CDK13: variants seen among roughly 807,000 people sequenced by gnomAD.
CDK13 encodes cyclin dependent kinase 13.
Under a neutral mutation model 137.6 loss-of-function variants are expected in CDK13, and 40 were observed. The observed-to-expected ratio is 0.29, with a 90% CI of 0.23 to 0.38. The LOEUF (loss-of-function observed/expected upper bound fraction) is 0.38. Among genes scored for constraint, CDK13 ranks in the 10% least tolerant of loss-of-function variants. The pLI is 1.00. For missense variants in CDK13, 1,704 were observed against 1,951.8 expected, an observed-to-expected ratio of 0.87 and a Z score of 2.39; for synonymous variants, 869 against 760.1, an observed-to-expected ratio of 1.14 and a Z score of -2.36.
intron 11 of CDK13, among the ~76,000 whole-genome samples, chr7:40,087,738 G>A (rs1006375865): frequency 2.0e-5 from 3 of 150,994 alleles, no homozygotes; most frequent in Non-Finnish European, 3.0e-5. Flanking sequence ...TAGTAGAAAC[G>A]GGGTTTTGCC....
intron 5 of CDK13, among the ~76,000 whole-genome samples, chr7:40,030,164 A>G (rs1785339926): frequency 1.3e-5 from 2 of 152,234 alleles, no homozygotes; most frequent in South Asian, 2.1e-4. Flanking sequence ...GCCACTATAC[A>G]CTATATCTTT....
chr7:40,067,609 A>G (rs759257498), intron 9 of CDK13: 10 of 152,104 alleles, frequency 6.6e-5, no homozygotes, highest in Non-Finnish European at 8.8e-5. Context: ...TACAAAATCA[A>G]TATGACACAC....
chr7:39,984,474 A>C (rs1054237584), intron 1 of CDK13: 5 of 152,110 alleles, frequency 3.3e-5, no homozygotes, highest in African/African-American at 1.2e-4. Flanking sequence ...TCACGAAATA[A>C]AAATTTAAAA....
In CDK13 at chr7:40,088,269, C is replaced by A. The variant is rs1786836414; in HGVS notation, c.3173C>A (p.Thr1058Lys). ...SLGLDDSRTNTPQGVLPSSQL... is the reference protein window; with the variant it reads ...SLGLDDSRTNKPQGVLPSSQL... The stretch of plus-strand genomic sequence containing the variant: ...GGCTTGGATGACAGCAGAACCAACA[C>A]ACCCCAGGGTGTGCTGCCATCTTCA... Residue 1058 changes from threonine (T) to lysine (K), a missense_variant, in exon 12 of 14, where the codon ACA (threonine) becomes AAA (lysine). By Grantham distance (78) the Thr-to-Lys change is moderately conservative (BLOSUM62 -1). Transcript: ENST00000181839. 6.2e-7 allele frequency: 1 copy of A among 1,614,046 alleles called. No homozygotes were observed. Among genetic ancestry groups the A allele is most frequent in the Non-Finnish European group, 8.5e-7 (1 of 1,180,034 alleles).
rs976319927 is a variant in CDK13 at position 40,039,434 on chromosome 7, A to ATTTTTTTTTTTTTTTTTTTTTTTTT, written c.2354-6379_2354-6378insTTTTTTTTTTTTTTTTTTTTTTTTT. 1.5e-4 allele frequency among the ~76,000 whole-genome samples: 13 copies of ATTTTTTTTTTTTTTTTTTTTTTTTT among 85,002 alleles called. 1 individual carries two copies. The highest frequency in any genetic ancestry group is 7.2e-4 in the African/African-American group (13 of 18,016). 55.8% of individuals were successfully genotyped at this position (85,002 alleles called of 152,430 possible). ...AGGTGCCCACGACCATGCCCGGCTA[A>ATTTTTTTTTTTTTTTTTTTTTTTTT]TTTTTTTTTTTTTTTTTTTTTTTGC... On this transcript the variant is annotated intron_variant, in intron 5 of 13. Coordinates refer to ENST00000181839, the MANE Select transcript of CDK13 (RefSeq NM_003718.5).
intron 1 of CDK13, among the ~76,000 whole-genome samples, chr7:39,980,704 T>G (rs1431969620): frequency 1.3e-5 from 2 of 152,226 alleles, no homozygotes; most frequent in Non-Finnish European, 2.9e-5. Context: ...TGTGTTATTT[T>G]CAACAGTGGA....
chr7:39,953,348 G>A (rs969054086), intron 1 of CDK13, among the ~76,000 whole-genome samples: 4 of 152,142 alleles, frequency 2.6e-5, no homozygotes, highest in African/African-American at 9.6e-5. Flanking sequence ...TTTGCCAAAG[G>A]GTTTGCAGTT....
At chr7:40,065,761 G>A (rs1786266467) in intron 9 of CDK13, among the ~76,000 whole-genome samples, 1 of 151,798 alleles carries the variant, frequency 6.6e-6, no homozygotes, top group Admixed American at 6.6e-5. Context: ...AATAAACCCA[G>A]GAAATAAAAA....
chr7:40,071,045 A>G (rs969118416), intron 9 of CDK13: 1 of 152,116 alleles, frequency 6.6e-6, no homozygotes, highest in African/African-American at 2.4e-5. Context: ...CACAGGTGAA[A>G]TTTTTTAAAC....
chr7:40,095,346 C>G lies in CDK13; in HGVS notation c.*366C>G, dbSNP rs1305208592. 1 of 156,706 alleles carries G rather than the reference C, an allele frequency of 6.4e-6. No individual in the cohort carries two copies. Among genetic ancestry groups the G allele is most frequent in the Non-Finnish European group, 1.4e-5 (1 of 70,970 alleles). 9.7% of individuals were successfully genotyped at this position (156,706 alleles called of 1,614,324 possible). A position where few individuals can be genotyped will look rare whatever the true frequency, so the allele number is the denominator to read the frequency against. On this transcript the variant is annotated 3_prime_UTR_variant, in exon 14 of 14. Transcript: ENST00000181839. ...TAAGTTTGGACCAACTTTTATGTAACAAACAGCCCCTCCCCACCTCCAGTT... is the reference window on the plus strand; with the variant it reads ...TAAGTTTGGACCAACTTTTATGTAAGAAACAGCCCCTCCCCACCTCCAGTT...
rs1486689285 is a variant in CDK13 at position 39,950,747 on chromosome 7, C to A, written c.106C>A (p.Gln36Lys). The change falls in exon 1 of 14, where the codon CAG (glutamine) becomes AAG (lysine). Residue 36 changes from glutamine to lysine, a missense_variant. Gln to Lys is a moderately conservative substitution (Grantham distance 53). Transcript: ENST00000181839. ...GCGGAGGCGATTCCTGTCCCCTCAG[C>A]AGCCGCCGCTGCTGTTGCCGCTCCT... Reference protein sequence around the residue: ...RKRRRFLSPQQPPLLLPLLQP... With the variant: ...RKRRRFLSPQKPPLLLPLLQP... 6.8e-7 allele frequency: 1 copy of A among 1,474,832 alleles called. No individual in the cohort carries two copies. The allele number at this position is 1,474,832 out of a possible 1,614,324, so 91.4% of individuals were successfully genotyped here. A position where few individuals can be genotyped will look rare whatever the true frequency, so the allele number is the denominator to read the frequency against.
At chr7:40,047,041 T>TA (rs1785759515) in intron 6 of CDK13, among the ~76,000 whole-genome samples, 1 of 144,784 alleles carries the variant, frequency 6.9e-6, no homozygotes, top group South Asian at 2.2e-4. Flanking sequence ...AAAAATCTAA[T>TA]AATAGTCTGT....
At chr7:40,039,204 T>A (rs932199292) in intron 5 of CDK13, among the ~76,000 whole-genome samples, 14 of 152,116 alleles carry the variant, frequency 9.2e-5, no homozygotes, top group Non-Finnish European at 1.5e-4. Flanking sequence ...TTTTCTCACT[T>A]TCTGTAAGGT....
intron 2 of CDK13, among the ~76,000 whole-genome samples, chr7:39,990,847 A>G (rs1463537108): frequency 6.6e-6 from 1 of 152,262 alleles, no homozygotes; most frequent in Non-Finnish European, 1.5e-5. Flanking sequence ...CATCTCAGTT[A>G]TTGTAATTAG....
At chr7:39,999,568 T>A (rs17496345) in intron 4 of CDK13, 68 bp downstream of exon 4, 6 of 1,443,454 alleles carry the variant, frequency 4.2e-6, no homozygotes, top group Admixed American at 4.8e-5. Flanking sequence ...TCTCTTCTGA[T>A]GTTTGGCTTC....
intron 7 of CDK13, among the ~76,000 whole-genome samples, chr7:40,052,362 A>G (rs1308709956): frequency 6.6e-6 from 1 of 152,098 alleles, no homozygotes; most frequent in African/African-American, 2.4e-5. Context: ...TTTTTAGTAG[A>G]GACGGGGTTT....
Position 40,041,692 on chromosome 7 carries a change from T to G in CDK13, c.2354-4144T>G, listed in dbSNP as rs115720912. On this transcript the variant is annotated intron_variant, in intron 5 of 13. Transcript: ENST00000181839. Reference sequence around the variant, plus strand: ...ATATAATGTTAAATAACAGCAGAGATAGCGGTATGTGTATATTTGATAACT... The same window carrying G: ...ATATAATGTTAAATAACAGCAGAGAGAGCGGTATGTGTATATTTGATAACT... 2.0e-3 allele frequency among the ~76,000 whole-genome samples: 301 copies of G among 152,358 alleles called. 1 individual carries two copies. The highest frequency in any genetic ancestry group is 7.0e-3 in the African/African-American group (290 of 41,584).
At chr7:40,021,694 C>G (rs1785129965) in intron 5 of CDK13, among the ~76,000 whole-genome samples, 2 of 152,030 alleles carry the variant, frequency 1.3e-5, no homozygotes, top group South Asian at 4.1e-4. Context: ...GGGCTAGACA[C>G]TGCTTTAAGC....
chr7:39,983,421 C>T (rs1289823415), intron 1 of CDK13, among the ~76,000 whole-genome samples: 1 of 152,100 alleles, frequency 6.6e-6, no homozygotes, highest in African/African-American at 2.4e-5. Flanking sequence ...GCGCCCGGCC[C>T]CAAAATATCT....
Sources: gnomAD v4.1 joint callset for allele counts (sites outside exome capture counted in the v4.1 genomes callset) on GRCh38, gnomAD v4.1.1 for gene constraint, MANE v1.5 for transcripts, NCBI Gene and HGNC (gene_info 2026-07-23, HGNC 2026-07-21) for gene names.